Variants in MSI2 observed in about 807,000 individuals in gnomAD.
The protein encoded by MSI2 is musashi RNA binding protein 2.
Under a neutral mutation model 45.6 loss-of-function variants are expected in MSI2, and 17 were observed. The observed-to-expected ratio is 0.37, with a 90% CI of 0.26 to 0.56. MSI2 has a LOEUF of 0.56. Among genes scored for constraint, MSI2 ranks in the 20% least tolerant of loss-of-function variants. The pLI is 0.77. For synonymous variants in MSI2, 156 were observed against 158.2 expected, an observed-to-expected ratio of 0.99 and a Z score of 0.11; for missense variants, 293 against 444.2, an observed-to-expected ratio of 0.66 and a Z score of 3.06.
intron 10 of MSI2, among the ~76,000 whole-genome samples, chr17:57,635,951 T>G (rs1288619486): frequency 6.6e-6 from 1 of 152,180 alleles, no homozygotes; most frequent in African/African-American, 2.4e-5. Context: ...CCAATGATGG[T>G]TCTTCGGCGC....
intron 5 of MSI2, among the ~76,000 whole-genome samples, chr17:57,379,097 C>T (rs1471102205): frequency 6.6e-6 from 1 of 151,480 alleles, no homozygotes; most frequent in African/African-American, 2.4e-5. Context: ...ACTCTCCATC[C>T]CCTCATCAAA....
At chr17:57,350,223 G>GA (rs1196520733) in intron 5 of MSI2, among the ~76,000 whole-genome samples, 5 of 85,372 alleles carry the variant, frequency 5.9e-5, no homozygotes, top group African/African-American at 4.6e-4. Context: ...GCCAGAGGTA[G>GA]GGGTGTGTGT....
chr17:57,302,171 T>C (rs534997112), intron 5 of MSI2, among the ~76,000 whole-genome samples: 1 of 152,364 alleles, frequency 6.6e-6, no homozygotes, highest in East Asian at 1.9e-4. Flanking sequence ...TTGATATGTG[T>C]ATACAGTCTG....
chr17:57,669,306 T>A (rs1912599094), intron 11 of MSI2, among the ~76,000 whole-genome samples: 1 of 152,222 alleles, frequency 6.6e-6, no homozygotes, highest in South Asian at 2.1e-4. Context: ...AAAGAGTGGC[T>A]GGCTGTTCAG....
At chr17:57,692,714 G>GGTTCT in the MSI2 span, among the ~76,000 whole-genome samples, 75 of 151,112 alleles carry the variant, frequency 5.0e-4, no homozygotes, top group Non-Finnish European at 6.1e-4. Context: ...TGTGTTGACA[G>GGTTCT]GTTTTGTTTT....
chr17:57,257,150 AGGGG>A lies in MSI2; in HGVS notation c.103+16_103+19del. On this transcript the variant is annotated intron_variant, in intron 2 of 13. Coordinates refer to ENST00000284073, the MANE Select transcript of MSI2 (RefSeq NM_138962.4). ...GCAGACCTCACCAGGTAAGGGAGGGAGGGGGGGACGCCTGGGTCCCCCCCTTCTT... is the reference window on the plus strand; with the variant it reads ...GCAGACCTCACCAGGTAAGGGAGGGAGGGACGCCTGGGTCCCCCCCTTCTT... 2.0e-5 allele frequency: 9 copies of A among 454,322 alleles called. No individual in the cohort carries two copies. Among genetic ancestry groups the A allele is most frequent in the Non-Finnish European group, 2.9e-5 (7 of 241,148 alleles). 28.1% of individuals were successfully genotyped at this position (454,322 alleles called of 1,614,324 possible). A position where few individuals can be genotyped will look rare whatever the true frequency, so the allele number is the denominator to read the frequency against.
intron 7 of MSI2, among the ~76,000 whole-genome samples, chr17:57,577,418 G>A (rs998170424): frequency 2.6e-5 from 4 of 152,118 alleles, no homozygotes; most frequent in Admixed American, 6.5e-5. Flanking sequence ...GGTCCAAACC[G>A]TCCCATTTCC....
chr17:57,638,135 T>C lies in MSI2; in HGVS notation c.727+10832T>C, dbSNP rs1314809647. Among the ~76,000 whole-genome samples the C allele has an allele frequency of 3.9e-5, 6 of 152,212 alleles. No homozygotes were observed. The East Asian group carries it at 1.2e-3, about 29-fold the overall frequency. ...GTGCCAGGCCTGAGGTTCGGGTAGC[T>C]GGTGCCTTCTGGCAGCCAAGGACAA... On this transcript the variant is annotated intron_variant, in intron 10 of 13. Transcript: ENST00000284073.
chr17:57,467,313 A>G (rs2143659968), intron 6 of MSI2, among the ~76,000 whole-genome samples: 1 of 152,328 alleles, frequency 6.6e-6, no homozygotes, highest in East Asian at 1.9e-4. Context: ...TGCATTCTTG[A>G]AAAGCATTGG....
intron 6 of MSI2, among the ~76,000 whole-genome samples, chr17:57,515,073 G>A (rs955979942): frequency 6.6e-6 from 1 of 152,216 alleles, no homozygotes; most frequent in Non-Finnish European, 1.5e-5. Context: ...AAAGTAAGTA[G>A]TTTGGTGTAT....
chr17:57,676,678 G>A (rs894736562), intron 12 of MSI2, among the ~76,000 whole-genome samples: 10 of 152,236 alleles, frequency 6.6e-5, no homozygotes. Flanking sequence ...GCACTCTGGG[G>A]TTCAGGGCAA....
intron 7 of MSI2, among the ~76,000 whole-genome samples, chr17:57,564,157 G>T (rs1052157223): frequency 6.6e-6 from 1 of 152,246 alleles, no homozygotes; most frequent in East Asian, 1.9e-4. Context: ...CCATGTGTTT[G>T]TGGATTTCTT....
intron 6 of MSI2, among the ~76,000 whole-genome samples, chr17:57,496,598 G>T (rs1273866321): frequency 6.6e-6 from 1 of 152,198 alleles, no homozygotes; most frequent in Non-Finnish European, 1.5e-5. Flanking sequence ...GGTGCACTCA[G>T]GTAAACCACA....
intron 6 of MSI2, among the ~76,000 whole-genome samples, chr17:57,508,134 T>G (rs2086277319): frequency 6.6e-6 from 1 of 152,140 alleles, no homozygotes; most frequent in Non-Finnish European, 1.5e-5. Flanking sequence ...TGGGAGCTCA[T>G]GGCCAGGACA....
At chr17:57,508,025 G>A (rs1202089621) in intron 6 of MSI2, among the ~76,000 whole-genome samples, 3 of 152,216 alleles carry the variant, frequency 2.0e-5, no homozygotes, top group East Asian at 3.8e-4. Flanking sequence ...GGCCAGGGTC[G>A]TTTATGAGTT....
Position 57,622,024 on chromosome 17 carries a change from C to G in MSI2, c.653-5205C>G, listed in dbSNP as rs545310316. On this transcript the variant is annotated intron_variant, in intron 9 of 13. Transcript: ENST00000284073. ...ACTAGCCTGGCCAACATAGTGAAAACTCCATCTCTACTAAAAATACAAAAA... is the reference window on the plus strand; with the variant it reads ...ACTAGCCTGGCCAACATAGTGAAAAGTCCATCTCTACTAAAAATACAAAAA... Among the ~76,000 whole-genome samples the G allele has an allele frequency of 2.6e-5, 4 of 152,266 alleles. No homozygotes were observed. The East Asian group carries it at 7.7e-4, about 29-fold the overall frequency.
chr17:57,337,833 A>G (rs532657662), intron 5 of MSI2, among the ~76,000 whole-genome samples: 1 of 152,316 alleles, frequency 6.6e-6, no homozygotes, highest in African/African-American at 2.4e-5. Context: ...ATGTTTTGGT[A>G]TATTATCATT....
chr17:57,655,201 T>C (rs1156757369), intron 11 of MSI2, among the ~76,000 whole-genome samples: 1 of 152,164 alleles, frequency 6.6e-6, no homozygotes, highest in African/African-American at 2.4e-5. Context: ...CCCTGCCGAC[T>C]CCTAGATAAC....
At chr17:57,677,641 A>G (rs962495282) in intron 13 of MSI2, among the ~76,000 whole-genome samples, 1 of 152,266 alleles carries the variant, frequency 6.6e-6, no homozygotes, top group Non-Finnish European at 1.5e-5. Flanking sequence ...CTGAGTAATT[A>G]TCCAGATTAC....
Sources: gnomAD v4.1 joint callset for allele counts (sites outside exome capture counted in the v4.1 genomes callset) on GRCh38, gnomAD v4.1.1 for gene constraint, MANE v1.5 for transcripts, NCBI Gene and HGNC (gene_info 2026-07-23, HGNC 2026-07-21) for gene names.